Variants in MMP16 observed in about 807,000 individuals in gnomAD.
The protein encoded by MMP16 is matrix metalloproteinase-16.
Under a neutral mutation model 67.8 loss-of-function variants are expected in MMP16, and 12 were observed. The ratio of observed to expected loss-of-function variants is 0.18; its 90% CI spans 0.11 to 0.29. The LOEUF (loss-of-function observed/expected upper bound fraction) is 0.29. Ranked by LOEUF, MMP16 falls within the 10% of genes least tolerant of loss-of-function variation. The probability of loss-of-function intolerance (pLI) is 1.00; values close to 1 mark genes in which losing one functional copy is unlikely to be tolerated. For missense variants in MMP16, 475 were observed against 765.7 expected (o/e 0.62, Z 4.48); for synonymous variants, 249 against 255.9 (o/e 0.97, Z 0.26).
chr8:88,103,948 G>A (rs1448636567), intron 6 of MMP16, among the ~76,000 whole-genome samples: 2 of 151,678 alleles, frequency 1.3e-5, no homozygotes, highest in African/African-American at 4.8e-5. Flanking sequence ...TGCTAGCCAG[G>A]TTAAATTATA....
intron 1 of MMP16, among the ~76,000 whole-genome samples, chr8:88,214,630 A>G (rs1262195040): frequency 6.6e-6 from 1 of 152,192 alleles, no homozygotes; most frequent in Non-Finnish European, 1.5e-5. Flanking sequence ...TTTATCATTT[A>G]TTTGTGATGA....
intron 6 of MMP16, among the ~76,000 whole-genome samples, chr8:88,103,412 CTTAAT>C (rs1319564586): frequency 2.6e-5 from 4 of 151,750 alleles, no homozygotes; most frequent in African/African-American, 4.8e-5. Context: ...ATAAAACTTC[CTTAAT>C]TTAAAGAATA....
chr8:88,233,780 A>C (rs16880099), intron 1 of MMP16, among the ~76,000 whole-genome samples: 109,837 of 152,082 alleles, frequency 0.72, 42,108 homozygotes, highest in Non-Finnish European at 0.88. Flanking sequence ...TTAAGACACA[A>C]CTTGTCCCTA....
At chr8:88,233,445 T>A (rs13259709) in intron 1 of MMP16, among the ~76,000 whole-genome samples, 109,769 of 152,008 alleles carry the variant, frequency 0.72, 42,087 homozygotes, top group Non-Finnish European at 0.88. Context: ...GTCCTACCCA[T>A]AGGAGATACC....
chr8:88,161,027 G>A (rs1400700427), intron 4 of MMP16, among the ~76,000 whole-genome samples: 8 of 152,080 alleles, frequency 5.3e-5, no homozygotes, highest in Non-Finnish European at 1.0e-4. Flanking sequence ...TTGTGTCTCT[G>A]CCAGGCTTTG....
chr8:88,253,312 T>C (rs1810254280), intron 1 of MMP16, among the ~76,000 whole-genome samples: 2 of 152,180 alleles, frequency 1.3e-5, no homozygotes, highest in South Asian at 4.1e-4. Flanking sequence ...AAGTGTGTAC[T>C]GCACACAGTG....
chr8:88,214,170 C>T (rs1011832862), intron 1 of MMP16, among the ~76,000 whole-genome samples: 2 of 152,132 alleles, frequency 1.3e-5, no homozygotes, highest in African/African-American at 2.4e-5. Context: ...ACATCTATCA[C>T]GTTTTCCAGC....
chr8:88,215,219 A>G (rs1420628620), intron 1 of MMP16, among the ~76,000 whole-genome samples: 1 of 151,862 alleles, frequency 6.6e-6, no homozygotes, highest in African/African-American at 2.4e-5. Context: ...AATCCCAGCT[A>G]CTCAGGAGGC....
chr8:88,137,171 T>C (rs1005820138), intron 4 of MMP16, among the ~76,000 whole-genome samples: 8 of 152,030 alleles, frequency 5.3e-5, no homozygotes, highest in Middle Eastern at 6.8e-3. Flanking sequence ...TATACTCTTT[T>C]TTTGTGAAAT....
At chr8:88,176,070 G>T (rs1182919552) in intron 3 of MMP16, among the ~76,000 whole-genome samples, 2 of 152,084 alleles carry the variant, frequency 1.3e-5, no homozygotes, top group African/African-American at 2.4e-5. Context: ...ACTAACACAG[G>T]TAGTATTGTT....
intron 6 of MMP16, among the ~76,000 whole-genome samples, chr8:88,105,584 T>C (rs1313697397): frequency 2.0e-5 from 3 of 151,494 alleles, no homozygotes; most frequent in African/African-American, 4.8e-5. Flanking sequence ...ATAAGTTCTA[T>C]GGAAAATTGG....
chr8:88,252,163 T>C (rs1810235555), intron 1 of MMP16, among the ~76,000 whole-genome samples: 1 of 149,580 alleles, frequency 6.7e-6, no homozygotes, highest in African/African-American at 2.5e-5. Flanking sequence ...CAAAGGACTA[T>C]AAATCATGCT....
At chr8:88,212,654 A>T (rs778876073) in intron 1 of MMP16, among the ~76,000 whole-genome samples, 79 of 152,132 alleles carry the variant, frequency 5.2e-4, no homozygotes, top group Non-Finnish European at 2.8e-4. Flanking sequence ...CCTCTCTGAG[A>T]TTTCATCACT....
chr8:88,149,615 C>G (rs1189671685), intron 4 of MMP16, among the ~76,000 whole-genome samples: 86 of 151,736 alleles, frequency 5.7e-4, no homozygotes, highest in Middle Eastern at 6.8e-3. Context: ...ACACCTCACA[C>G]GGCAGGGTAT....
At chr8:88,197,886 G>T (rs1013117506) in intron 1 of MMP16, among the ~76,000 whole-genome samples, 4 of 152,110 alleles carry the variant, frequency 2.6e-5, no homozygotes, top group African/African-American at 9.7e-5. Flanking sequence ...ACCAGGTAAA[G>T]AATATTCTTT....
At chr8:88,315,300 T>C (rs1342874713) in intron 1 of MMP16, among the ~76,000 whole-genome samples, 1 of 152,192 alleles carries the variant, frequency 6.6e-6, no homozygotes, top group African/African-American at 2.4e-5. Flanking sequence ...TATTTCAAGC[T>C]TTTTCATTAG....
chr8:88,142,907 T>C (rs772329536), intron 4 of MMP16, among the ~76,000 whole-genome samples: 1 of 152,208 alleles, frequency 6.6e-6, no homozygotes, highest in Non-Finnish European at 1.5e-5. Context: ...ATAGATGTGA[T>C]ATCAGCATTG....
chr8:88,101,330 A>G (rs13270499), intron 6 of MMP16, among the ~76,000 whole-genome samples: 151,011 of 151,892 alleles, frequency 0.99, 75,072 homozygotes, highest in Middle Eastern at 1. Context: ...CAGAAACTAC[A>G]TTCCTCCACA....
intron 3 of MMP16, among the ~76,000 whole-genome samples, chr8:88,170,780 A>T: frequency 6.6e-6 from 1 of 152,194 alleles, no homozygotes; most frequent in East Asian, 1.9e-4. Context: ...CCAAACAAAC[A>T]TGGCCAGTTC....
Sources: allele counts gnomAD v4.1 joint callset (sites outside exome capture counted in the v4.1 genomes callset), GRCh38; gene constraint gnomAD v4.1.1; transcripts MANE v1.5; gene names NCBI Gene and HGNC (gene_info 2026-07-23, HGNC 2026-07-21).